Variants in VLDLR observed in about 807,000 individuals in gnomAD.
VLDLR encodes the protein very low-density lipoprotein receptor.
VLDLR carries 81 observed loss-of-function variants against 112.7 expected under a neutral mutation model. The observed-to-expected ratio is 0.72, with a 90% CI of 0.60 to 0.86. The LOEUF (loss-of-function observed/expected upper bound fraction) is 0.86, where lower values mean the gene tolerates loss of function less well. Among genes scored for constraint, VLDLR ranks in the 40% least tolerant of loss-of-function variants. The pLI is 0.00. For missense variants in VLDLR, 1,237 were observed against 1,099.4 expected (o/e 1.13, Z -1.77); for synonymous variants, 436 against 384.8 (o/e 1.13, Z -1.56).
At chr9:2,649,358 C>G (rs181335497) in intron 14 of VLDLR, among the ~76,000 whole-genome samples, 2 of 152,198 alleles carry the variant, frequency 1.3e-5, no homozygotes. Flanking sequence ...CATCGTCCCT[C>G]TGTATATGCT....
At position 2,654,709 on chromosome 9, in the gene VLDLR, T is replaced by G. The variant is rs1586664012; in HGVS notation, c.*841T>G. 1.3e-5 allele frequency: 2 copies of G among 151,910 alleles called. No homozygotes were observed. The highest frequency in any genetic ancestry group is 3.9e-4 in the East Asian group (2 of 5,190). The allele number at this position is 151,910 out of a possible 1,614,324, so 9.4% of individuals were successfully genotyped here. ...TAGCTTAGTCTGTACCTAGAATTCCTCTTGGTTAGAGGAGTGAGTTTCTTT... is the reference window on the plus strand; with the variant it reads ...TAGCTTAGTCTGTACCTAGAATTCCGCTTGGTTAGAGGAGTGAGTTTCTTT... On this transcript the variant is annotated 3_prime_UTR_variant, in exon 19 of 19. Transcript: ENST00000382100.
chr9:2,648,400 G>A, intron 13 of VLDLR, 53 bp downstream of exon 13: 1 of 1,612,170 alleles, frequency 6.2e-7, no homozygotes, highest in East Asian at 2.2e-5. Flanking sequence ...ATATCACTTT[G>A]AGAAGAAATA....
intron 1 of VLDLR, among the ~76,000 whole-genome samples, chr9:2,633,324 T>TA (rs1817451408): frequency 1.3e-5 from 2 of 152,138 alleles, no homozygotes. Context: ...TACAACTAAA[T>TA]TCAGAGACCC....
chr9:2,636,107 A>C (rs1817591585), intron 2 of VLDLR, among the ~76,000 whole-genome samples: 3 of 152,182 alleles, frequency 2.0e-5, no homozygotes, highest in Admixed American at 2.0e-4. Flanking sequence ...TTCTCTCCCC[A>C]AGAGAATGGG....
chr9:2,624,306 G>A (rs1816982280), intron 1 of VLDLR, among the ~76,000 whole-genome samples: 1 of 152,168 alleles, frequency 6.6e-6, no homozygotes, highest in South Asian at 2.1e-4. Context: ...ATCCCAACCG[G>A]CATCTGTCTT....
Position 2,655,447 on chromosome 9 carries a change from C to G in VLDLR, c.*1579C>G, listed in dbSNP as rs1191481869. On this transcript the variant is annotated 3_prime_UTR_variant, in exon 19 of 19. Coordinates refer to ENST00000382100, the MANE Select transcript of VLDLR (RefSeq NM_003383.5). ...GGAGAGTTGGCTGTGGAAGGTACAG[C>G]AATTCCTCTGGAATTAAATGACCGA... is the stretch of plus-strand genomic sequence containing the variant. The G allele has an allele frequency of 6.6e-6, 1 of 152,126 alleles. No homozygotes were observed. The highest frequency in any genetic ancestry group is 2.4e-5 in the African/African-American group (1 of 41,428). The allele number at this position is 152,126 out of a possible 1,614,324, so 9.4% of individuals were successfully genotyped here.
intron 10 of VLDLR, 139 bp from the exon 11 acceptor site, chr9:2,646,195 A>G (rs1818061993): frequency 2.5e-6 from 2 of 786,600 alleles, no homozygotes; most frequent in East Asian, 5.3e-5. Context: ...GCATGGTTAA[A>G]TAATTTGAGT....
intron 1 of VLDLR, among the ~76,000 whole-genome samples, chr9:2,627,479 C>T (rs1051645279): frequency 6.6e-6 from 1 of 152,176 alleles, no homozygotes; most frequent in African/African-American, 2.4e-5. Context: ...TGGAACCTCT[C>T]TTTTCACATG....
chr9:2,632,301 C>G lies in VLDLR; in HGVS notation c.83-3152C>G, dbSNP rs1306168387. On this transcript the variant is annotated intron_variant, in intron 1 of 18. Coordinates refer to ENST00000382100, the MANE Select transcript of VLDLR (RefSeq NM_003383.5). ...CCCTCCACTTCAACCACCCCTCTAG[C>G]CTGAGGCATTCTTGTGAAACCTCAT... is the stretch of plus-strand genomic sequence containing the variant. 2.0e-5 allele frequency among the ~76,000 whole-genome samples: 3 copies of G among 152,222 alleles called. No homozygotes were observed. The East Asian group carries it at 5.8e-4, about 29-fold the overall frequency.
At chr9:2,648,404 A>C in intron 13 of VLDLR, 57 bp downstream of exon 13, 1 of 1,610,934 alleles carries the variant, frequency 6.2e-7, no homozygotes, top group African/African-American at 1.3e-5. Context: ...CACTTTGAGA[A>C]GAAATAACAG....
chr9:2,647,163 G>A (rs569311701), intron 11 of VLDLR, among the ~76,000 whole-genome samples: 1 of 152,270 alleles, frequency 6.6e-6, no homozygotes, highest in East Asian at 1.9e-4. Flanking sequence ...CCCCTGCTAT[G>A]AAATTTGAAG....
chr9:2,630,785 G>A (rs7040049), intron 1 of VLDLR, among the ~76,000 whole-genome samples: 103,503 of 152,068 alleles, frequency 0.68, 35,685 homozygotes, highest in Admixed American at 0.76. Flanking sequence ...ATTTATGAAA[G>A]AGACCTCAAA....
chr9:2,630,230 CT>C (rs1335584311), intron 1 of VLDLR, among the ~76,000 whole-genome samples: 1 of 152,138 alleles, frequency 6.6e-6, no homozygotes, highest in Non-Finnish European at 1.5e-5. Flanking sequence ...CTTAGGAAAA[CT>C]TTTTTGCTGA....
chr9:2,623,978 A>C (rs980553958), intron 1 of VLDLR, among the ~76,000 whole-genome samples: 4 of 152,226 alleles, frequency 2.6e-5, no homozygotes, highest in Non-Finnish European at 5.9e-5. Flanking sequence ...TAACATTTCA[A>C]AACGCTAAGG....
chr9:2,646,382 T>G lies in VLDLR; in HGVS notation c.1533T>G (p.Asn511Lys). 6.2e-7 allele frequency: 1 copy of G among 1,614,192 alleles called. No homozygotes were observed. The highest frequency in any genetic ancestry group is 1.3e-5 in the African/African-American group (1 of 75,048). The change falls in exon 11 of 19, where the codon AAT becomes AAG. Residue 511 changes from asparagine (N) to lysine (K), a missense_variant. Transcript: ENST00000382100. ...KVGRHVKMID[N>K]VYNPAAIAVD... Reference sequence around the variant, plus strand: ...GTAGACATGTTAAAATGATCGACAATGTCTATAATCCTGCAGCCATTGCTG... The same window carrying G: ...GTAGACATGTTAAAATGATCGACAAGGTCTATAATCCTGCAGCCATTGCTG...
In VLDLR at chr9:2,644,792, T is replaced by C. The variant is rs777919552; in HGVS notation, c.1125T>C (p.Val375=). ...GGCSHICKDL[V]IGYECDCAAG... is the part of the protein sequence containing the mutation. The stretch of plus-strand genomic sequence containing the variant: ...GTTCTCATATCTGCAAAGACCTAGT[T>C]ATAGGCTACGAGTGTGACTGTGCAG... Residue 375 remains valine, a synonymous_variant, in exon 8 of 19, where the codon GTT becomes GTC. Coordinates refer to ENST00000382100, the MANE Select transcript of VLDLR (RefSeq NM_003383.5). 13 of 1,614,184 alleles carry C rather than the reference T, an allele frequency of 8.1e-6. No individual in the cohort carries two copies. In the South Asian group the frequency reaches 1.2e-4, roughly 15 times the overall value.
intron 14 of VLDLR, among the ~76,000 whole-genome samples, chr9:2,649,572 A>G (rs1313646853): frequency 6.6e-6 from 1 of 152,082 alleles, no homozygotes; most frequent in Non-Finnish European, 1.5e-5. Context: ...TTGTATCTTT[A>G]GTAGAGATGG....
intron 1 of VLDLR, among the ~76,000 whole-genome samples, chr9:2,623,708 G>C (rs1204718611): frequency 1.3e-5 from 2 of 152,172 alleles, no homozygotes; most frequent in African/African-American, 4.8e-5. Context: ...GGCAGCATGG[G>C]CAGTGTTATT....
intron 1 of VLDLR, among the ~76,000 whole-genome samples, chr9:2,631,540 T>C (rs1390900355): frequency 2.6e-5 from 4 of 152,228 alleles, no homozygotes. Flanking sequence ...GAGGTCATTA[T>C]GCTAAGGGAA....
Sources: gnomAD v4.1 joint callset for allele counts (sites outside exome capture counted in the v4.1 genomes callset) on GRCh38, gnomAD v4.1.1 for gene constraint, MANE v1.5 for transcripts, NCBI Gene and HGNC (gene_info 2026-07-23, HGNC 2026-07-21) for gene names.